NCAPD3: variants seen among roughly 807,000 people sequenced by gnomAD.
The protein encoded by NCAPD3 is condensin-2 complex subunit D3.
Under a neutral mutation model 182.9 loss-of-function variants are expected in NCAPD3, and 105 were observed. That is an observed-to-expected ratio of 0.57 (90% confidence interval 0.49 to 0.68). The LOEUF (loss-of-function observed/expected upper bound fraction) is 0.68. NCAPD3 is among the 30% of genes least tolerant of loss of function. The pLI, the probability that NCAPD3 is intolerant of heterozygous loss-of-function variation, is 0.00. For missense variants in NCAPD3, 1,944 were observed against 1,837.0 expected (o/e 1.06, Z -1.07); for synonymous variants, 815 against 679.9 (o/e 1.20, Z -3.09).
In NCAPD3 at chr11:134,151,162, G is replaced by T. The variant is rs1370265768; in HGVS notation, c.*1782C>A. ...TACTCACCTTGTCTTTCAGCTTCCA[G>T]TGTCTTGGGTTTTTTATACTTTGAC... is the stretch of plus-strand genomic sequence containing the variant. On this transcript the variant is annotated 3_prime_UTR_variant, in exon 35 of 35. Transcript: ENST00000534548. The T allele has an allele frequency of 6.6e-6, 1 of 152,262 alleles. No homozygotes were observed. The highest frequency in any genetic ancestry group is 2.4e-5 in the African/African-American group (1 of 41,460). 9.4% of individuals were successfully genotyped at this position (152,262 alleles called of 1,614,324 possible).
intron 1 of NCAPD3, chr11:134,223,411 G>A (rs1435010688): frequency 1.4e-6 from 1 of 702,326 alleles, no homozygotes; most frequent in Admixed American, 2.0e-5. Flanking sequence ...GGTGCCATTA[G>A]CAGGCTTTGG....
chr11:134,194,033 G>C lies in NCAPD3; in HGVS notation c.1807C>G (p.Leu603Val). ...VSVRKQALQSLTELLMAQPRC... is the reference protein window; with the variant it reads ...VSVRKQALQSVTELLMAQPRC... ...CCTCTCACCATAAGGAGTTCAGTAA[G>C]AGACTGGAGGGCCTGCTTCCGGACA... is the stretch of plus-strand genomic sequence containing the variant. The change falls in exon 15 of 35, where the codon CTT (leucine) becomes GTT (valine). Residue 603 changes from leucine to valine, a missense_variant. Physicochemically the swap from Leu to Val is conservative, Grantham distance 32. Around this residue, in one of 3 missense-constraint regions of NCAPD3, gnomAD observed 1,803 missense variants for 1,674.6 expected, o/e 1.08. Transcript: ENST00000534548. 6.2e-7 allele frequency: 1 copy of C among 1,614,032 alleles called. No homozygotes were observed. The highest frequency in any genetic ancestry group is 8.5e-7 in the Non-Finnish European group (1 of 1,179,932).
At chr11:134,192,980 G>T in intron 15 of NCAPD3, 71 bp from the exon 16 acceptor site, 1 of 897,156 alleles carries the variant, frequency 1.1e-6, no homozygotes, top group Admixed American at 2.1e-5. Context: ...AACATTTTGA[G>T]ATGTTAAAAA....
intron 14 of NCAPD3, 112 bp from the exon 15 acceptor site, chr11:134,194,262 G>T: frequency 8.7e-7 from 1 of 1,153,372 alleles, no homozygotes; most frequent in Non-Finnish European, 1.2e-6. Context: ...ACATTTTGGG[G>T]TCATGGATCC....
At chr11:134,222,651 T>C (rs1938275516) in intron 1 of NCAPD3, among the ~76,000 whole-genome samples, 1 of 152,210 alleles carries the variant, frequency 6.6e-6, no homozygotes, top group Non-Finnish European at 1.5e-5. Context: ...AAATGTAAAA[T>C]GCTACAGAGC....
intron 32 of NCAPD3, among the ~76,000 whole-genome samples, chr11:134,154,636 C>CAGCCTCGCCCCTCCTGGGTGG (rs1591817065): frequency 1.2e-4 from 18 of 152,016 alleles, no homozygotes; most frequent in South Asian, 2.1e-4. Flanking sequence ...CTGGGTGGTG[C>CAGCCTCGCCCCTCCTGGGTGG]TGTACCCAGT....
intron 3 of NCAPD3, among the ~76,000 whole-genome samples, chr11:134,213,344 CAG>C (rs1937909254): frequency 6.7e-6 from 1 of 150,038 alleles, no homozygotes; most frequent in Admixed American, 6.6e-5. Context: ...TTTTCTGAGA[CAG>C]AGTCTCACTG....
intron 7 of NCAPD3, among the ~76,000 whole-genome samples, chr11:134,207,729 C>G (rs1267538321): frequency 8.7e-6 from 1 of 115,378 alleles, no homozygotes; most frequent in African/African-American, 3.6e-5. Context: ...GGTGTCAGAG[C>G]GAGACTGCGT....
chr11:134,170,132 A>G (rs1238465563), intron 24 of NCAPD3, among the ~76,000 whole-genome samples: 1 of 152,252 alleles, frequency 6.6e-6, no homozygotes, highest in African/African-American at 2.4e-5. Flanking sequence ...AGAAATCATG[A>G]TGGAAGTAAG....
Position 134,168,580 on chromosome 11 carries a change from T to G in NCAPD3, c.3262A>C (p.Lys1088Gln). Reference protein sequence around the residue: ...SEREKRLFSLKGKSNKERRMK... With the variant: ...SEREKRLFSLQGKSNKERRMK... Reference sequence around the variant, plus strand: ...CGTCTCTCTTTGTTTGACTTTCCCTTCAATGAAAACAGCCGCTTCTCTCTG... The same window carrying G: ...CGTCTCTCTTTGTTTGACTTTCCCTGCAATGAAAACAGCCGCTTCTCTCTG... Residue 1088 changes from lysine to glutamine, a missense_variant, in exon 26 of 35, where the codon AAG (lysine) becomes CAG (glutamine). Physicochemically the swap from Lys to Gln is moderately conservative, Grantham distance 53. Around this residue, in one of 3 missense-constraint regions of NCAPD3, gnomAD observed 1,803 missense variants for 1,674.6 expected, o/e 1.08. Transcript: ENST00000534548. The G allele has an allele frequency of 1.2e-6, 2 of 1,614,122 alleles. No individual in the cohort carries two copies. The highest frequency in any genetic ancestry group is 1.7e-6 in the Non-Finnish European group (2 of 1,180,018).
chr11:134,165,283 G>C (rs1417236577), intron 27 of NCAPD3, among the ~76,000 whole-genome samples: 1 of 149,722 alleles, frequency 6.7e-6, no homozygotes, highest in Non-Finnish European at 1.5e-5. Context: ...ACACTCGCTT[G>C]TGAGATGAAC....
At position 134,151,889 on chromosome 11, in the gene NCAPD3, C is replaced by T. The variant is rs1383841318; in HGVS notation, c.*1055G>A. ...GGGAAGTCAGTGCTGGGCAGGAGGTCAGCCTGTGTGCTCAAGAGCAGTGCT... is the reference window on the plus strand; with the variant it reads ...GGGAAGTCAGTGCTGGGCAGGAGGTTAGCCTGTGTGCTCAAGAGCAGTGCT... On this transcript the variant is annotated 3_prime_UTR_variant, in exon 35 of 35. Coordinates refer to ENST00000534548, the MANE Select transcript of NCAPD3 (RefSeq NM_015261.3). The T allele has an allele frequency of 6.6e-6, 1 of 152,258 alleles. No individual in the cohort carries two copies. Among genetic ancestry groups the T allele is most frequent in the Non-Finnish European group, 1.5e-5 (1 of 68,050 alleles). 9.4% of individuals were successfully genotyped at this position (152,258 alleles called of 1,614,324 possible). A position where few individuals can be genotyped will look rare whatever the true frequency, so the allele number is the denominator to read the frequency against.
At chr11:134,175,307 C>T (rs944420775) in intron 24 of NCAPD3, among the ~76,000 whole-genome samples, 5 of 152,126 alleles carry the variant, frequency 3.3e-5, no homozygotes, top group South Asian at 2.1e-4. Context: ...CCACGTACTG[C>T]GTAAAAAGTC....
intron 7 of NCAPD3, 121 bp from the exon 8 acceptor site, chr11:134,206,853 T>A: frequency 1.0e-6 from 1 of 985,396 alleles, no homozygotes; most frequent in Non-Finnish European, 1.5e-6. Context: ...GCTGGCATAA[T>A]TGCTGGCTGA....
chr11:134,168,863 T>A (rs1943936023), intron 25 of NCAPD3, 54 bp downstream of exon 25: 1 of 1,571,830 alleles, frequency 6.4e-7, no homozygotes, highest in Admixed American at 1.8e-5. Context: ...CCTCCCCTGA[T>A]TCCCCCAGCT....
intron 1 of NCAPD3, 62 bp downstream of exon 1, chr11:134,223,801 A>G: frequency 7.9e-7 from 1 of 1,273,580 alleles, no homozygotes; most frequent in Non-Finnish European, 1.1e-6. Context: ...GGGCTTAGGC[A>G]TCGTCGGGGA....
At chr11:134,190,866 G>A (rs541006131) in intron 16 of NCAPD3, among the ~76,000 whole-genome samples, 1 of 152,282 alleles carries the variant, frequency 6.6e-6, no homozygotes, top group Admixed American at 6.5e-5. Flanking sequence ...CCTGTATGTT[G>A]AATAATCTGG....
At chr11:134,161,755 C>A in intron 28 of NCAPD3, 26 bp downstream of exon 28, 1 of 1,367,950 alleles carries the variant, frequency 7.3e-7, no homozygotes, top group Non-Finnish European at 1.0e-6. Flanking sequence ...GGACAACAAC[C>A]ACAAAAGCAC....
intron 24 of NCAPD3, among the ~76,000 whole-genome samples, chr11:134,176,071 G>A (rs1369424439): frequency 6.6e-6 from 1 of 152,076 alleles, no homozygotes; most frequent in African/African-American, 2.4e-5. Flanking sequence ...GTCAGCAAGT[G>A]CAGTCAATGC....
Sources: allele counts gnomAD v4.1 joint callset (sites outside exome capture counted in the v4.1 genomes callset), GRCh38; gene constraint gnomAD v4.1.1; regional missense constraint gnomAD v4.1.1; transcripts MANE v1.5; gene names NCBI Gene and HGNC (gene_info 2026-07-23, HGNC 2026-07-21).